The following PRKG1 variants were observed in gnomAD, a reference collection of about 807,000 sequenced individuals.
PRKG1 encodes the protein cGMP-dependent protein kinase 1.
PRKG1 carries 35 observed loss-of-function variants against 88.1 expected under a neutral mutation model. The observed-to-expected ratio is 0.40, with a 90% CI of 0.30 to 0.53. The LOEUF (loss-of-function observed/expected upper bound fraction) is 0.53, where lower values mean the gene tolerates loss of function less well. PRKG1 is among the 20% of genes least tolerant of loss of function. The pLI is 0.59. For missense variants in PRKG1, 540 were observed against 839.8 expected (o/e 0.64, Z 4.41); for synonymous variants, 303 against 292.5 (o/e 1.04, Z -0.37).
chr10:51,025,866 G>T (rs1843197349), intron 1 of PRKG1, among the ~76,000 whole-genome samples: 1 of 152,142 alleles, frequency 6.6e-6, no homozygotes, highest in Admixed American at 6.5e-5. Context: ...CATATTTGCA[G>T]TCCTAACCCC....
rs954620077 is a variant in PRKG1 at position 52,296,067 on chromosome 10, AT to A, written c.*2168del. The A allele has an allele frequency of 1.8e-4, 27 of 152,050 alleles. No individual in the cohort carries two copies. Among genetic ancestry groups the A allele is most frequent in the African/African-American group, 5.8e-4 (24 of 41,450 alleles). The allele number at this position is 152,050 out of a possible 1,614,324, so 9.4% of individuals were successfully genotyped here. ...GGCTTTTTAAAAATATGTAATTCCA[AT>A]ATTATAGTGAATGTTCAGTAACTTT... On this transcript the variant is annotated 3_prime_UTR_variant, in exon 18 of 18. Coordinates refer to ENST00000373980, the MANE Select transcript of PRKG1 (RefSeq NM_006258.4).
intron 2 of PRKG1, among the ~76,000 whole-genome samples, chr10:51,312,272 T>C (rs952422466): frequency 6.6e-6 from 1 of 152,164 alleles, no homozygotes; most frequent in Non-Finnish European, 1.5e-5. Flanking sequence ...TCTTAGAATA[T>C]GGTCATTCAC....
At chr10:51,846,989 A>T (rs923354270) in intron 4 of PRKG1, among the ~76,000 whole-genome samples, 3 of 152,208 alleles carry the variant, frequency 2.0e-5, no homozygotes. Flanking sequence ...TCTTTAAAAA[A>T]ATAAAGTAGA....
At chr10:51,875,499 C>T (rs1270797967) in intron 4 of PRKG1, among the ~76,000 whole-genome samples, 1 of 152,052 alleles carries the variant, frequency 6.6e-6, no homozygotes, top group African/African-American at 2.4e-5. Flanking sequence ...TCTTGAACTC[C>T]TGAGCTCAGG....
At chr10:51,189,687 T>A (rs1040707745) in intron 2 of PRKG1, among the ~76,000 whole-genome samples, 2 of 151,956 alleles carry the variant, frequency 1.3e-5, no homozygotes, top group Admixed American at 6.6e-5. Flanking sequence ...GAATCAGATA[T>A]CATTTCTGCA....
At chr10:51,252,900 A>T (rs540620978) in intron 2 of PRKG1, among the ~76,000 whole-genome samples, 3 of 151,992 alleles carry the variant, frequency 2.0e-5, no homozygotes, top group African/African-American at 7.2e-5. Flanking sequence ...AGAAGCAAGA[A>T]AAAACAGAGG....
intron 4 of PRKG1, among the ~76,000 whole-genome samples, chr10:51,836,218 G>T (rs1185125351): frequency 2.0e-5 from 3 of 152,112 alleles, no homozygotes; most frequent in Non-Finnish European, 4.4e-5. Context: ...CCCAGAAATA[G>T]ATCCACACAT....
intron 1 of PRKG1, among the ~76,000 whole-genome samples, chr10:51,005,334 T>A (rs1174972634): frequency 6.6e-6 from 1 of 152,046 alleles, no homozygotes; most frequent in Non-Finnish European, 1.5e-5. Context: ...TTTTGAAAAA[T>A]TTAGTTTTGG....
intron 3 of PRKG1, among the ~76,000 whole-genome samples, chr10:51,632,013 G>A (rs1377050392): frequency 6.6e-6 from 1 of 152,138 alleles, no homozygotes; most frequent in African/African-American, 2.4e-5. Context: ...CCAACCTGCG[G>A]CTGGTGAACC....
intron 1 of PRKG1, among the ~76,000 whole-genome samples, chr10:50,999,450 T>C (rs1478144483): frequency 6.6e-6 from 1 of 152,230 alleles, no homozygotes; most frequent in Non-Finnish European, 1.5e-5. Flanking sequence ...ACTTCTTCAA[T>C]TATCCTCTCG....
At chr10:52,123,470 G>A (rs1847866377) in intron 7 of PRKG1, among the ~76,000 whole-genome samples, 1 of 152,130 alleles carries the variant, frequency 6.6e-6, no homozygotes, top group Non-Finnish European at 1.5e-5. Context: ...ACTCCAGAAA[G>A]AGGATCTGCT....
At chr10:51,664,677 G>T (rs965522151) in intron 3 of PRKG1, among the ~76,000 whole-genome samples, 5 of 152,086 alleles carry the variant, frequency 3.3e-5, no homozygotes, top group Admixed American at 3.3e-4. Flanking sequence ...GGTACAGAAA[G>T]ATCTCAAAAC....
chr10:51,754,133 C>T (rs887116151), intron 3 of PRKG1, among the ~76,000 whole-genome samples: 5 of 152,002 alleles, frequency 3.3e-5, no homozygotes, highest in African/African-American at 9.7e-5. Context: ...TTCCTCTAGT[C>T]CCTGGCTCTT....
chr10:51,472,186 T>A (rs750182792), intron 3 of PRKG1, among the ~76,000 whole-genome samples: 1 of 151,908 alleles, frequency 6.6e-6, no homozygotes, highest in Non-Finnish European at 1.5e-5. Flanking sequence ...TTACTAAGTG[T>A]CATAGATGTT....
chr10:51,393,125 T>G (rs370876374), intron 2 of PRKG1, among the ~76,000 whole-genome samples: 15,735 of 91,558 alleles, frequency 0.17, 1,017 homozygotes, highest in Admixed American at 0.3. Context: ...GGGCGGAGGG[T>G]CTCCTCACTT....
intron 7 of PRKG1, 108 bp downstream of exon 7, chr10:52,062,739 A>G (rs374089094): frequency 1.3e-6 from 1 of 781,368 alleles, no homozygotes; most frequent in East Asian, 2.5e-5. Context: ...GCTTATCTCA[A>G]TATCAAATAT....
chr10:51,331,069 T>G (rs1398617876), intron 2 of PRKG1, among the ~76,000 whole-genome samples: 1 of 152,062 alleles, frequency 6.6e-6, no homozygotes, highest in East Asian at 1.9e-4. Context: ...GCATGGTGCT[T>G]CATTCAAAAA....
At chr10:51,342,328 T>C (rs1207642485) in intron 2 of PRKG1, among the ~76,000 whole-genome samples, 1 of 152,142 alleles carries the variant, frequency 6.6e-6, no homozygotes, top group Admixed American at 6.6e-5. Flanking sequence ...GAAAATGTCA[T>C]ACAGAGAGAG....
At chr10:51,746,163 A>G (rs960051520) in intron 3 of PRKG1, among the ~76,000 whole-genome samples, 1 of 152,184 alleles carries the variant, frequency 6.6e-6, no homozygotes, top group Non-Finnish European at 1.5e-5. Context: ...TACAATCTTT[A>G]AAAGCATCTT....
Sources: gnomAD v4.1 joint callset for allele counts (sites outside exome capture counted in the v4.1 genomes callset) on GRCh38, gnomAD v4.1.1 for gene constraint, MANE v1.5 for transcripts, NCBI Gene and HGNC (gene_info 2026-07-23, HGNC 2026-07-21) for gene names.